Variants in HECTD2 observed in about 807,000 individuals in gnomAD.
HECTD2 encodes probable E3 ubiquitin-protein ligase HECTD2.
HECTD2 carries 35 observed loss-of-function variants against 103.2 expected under a neutral mutation model. The observed-to-expected ratio is 0.34, with a 90% CI of 0.26 to 0.45. The LOEUF is 0.45. HECTD2 is among the 20% of genes least tolerant of loss of function. HECTD2 has a pLI of 1.00. For missense variants in HECTD2, 596 were observed against 937.4 expected, an observed-to-expected ratio of 0.64 and a Z score of 4.76; for synonymous variants, 281 against 329.9, an observed-to-expected ratio of 0.85 and a Z score of 1.61.
chr10:91,512,541 C>A lies in HECTD2; in HGVS notation c.*157C>A. ...AAAATCAAATATGAAGTATGTTCAG[C>A]AAAGGCATAATTTTCTAAAAACACA... On this transcript the variant is annotated 3_prime_UTR_variant, in exon 21 of 21. Coordinates refer to ENST00000298068, the MANE Select transcript of HECTD2 (RefSeq NM_182765.6). 1.5e-6 allele frequency: 1 copy of A among 667,758 alleles called. No homozygotes were observed. The highest frequency in any genetic ancestry group is 2.4e-6 in the Non-Finnish European group (1 of 417,224). The allele number at this position is 667,758 out of a possible 1,614,324, so 41.4% of individuals were successfully genotyped here.
Position 91,497,128 on chromosome 10 carries a change from T to A in HECTD2, c.1680+756T>A, listed in dbSNP as rs923641711. 1.4e-4 allele frequency among the ~76,000 whole-genome samples: 13 copies of A among 90,312 alleles called. No individual in the cohort carries two copies. In the South Asian group the frequency reaches 3.7e-3, roughly 26 times the overall value. 59.2% of individuals were successfully genotyped at this position (90,312 alleles called of 152,430 possible). On this transcript the variant is annotated intron_variant, in intron 15 of 20. Transcript: ENST00000298068. ...GCATGTGCCACCGTGCCCGGCAAAT[T>A]TTTTTTTTTTTTTTTTTTTTTTTTT...
At chr10:91,490,742 T>A (rs977637071) in intron 11 of HECTD2, among the ~76,000 whole-genome samples, 7 of 150,518 alleles carry the variant, frequency 4.7e-5, no homozygotes, top group African/African-American at 1.7e-4. Context: ...ATACAAAAAA[T>A]TAGCCGGGCG....
chr10:91,497,456 A>ATTTT (rs34254753), intron 15 of HECTD2, among the ~76,000 whole-genome samples: 1 of 74,752 alleles, frequency 1.3e-5, no homozygotes, highest in Non-Finnish European at 2.7e-5. Flanking sequence ...ACACCTGGCT[A>ATTTT]TTTTTTTTTT....
chr10:91,483,936 C>T (rs1455651676), intron 8 of HECTD2, among the ~76,000 whole-genome samples: 1 of 151,872 alleles, frequency 6.6e-6, no homozygotes, highest in East Asian at 1.9e-4. Flanking sequence ...CACATCACAA[C>T]CTTCTTGTTA....
intron 2 of HECTD2, among the ~76,000 whole-genome samples, chr10:91,435,778 C>G (rs144557375): frequency 2.5e-3 from 385 of 152,082 alleles, no homozygotes; most frequent in Non-Finnish European, 4.8e-3. Flanking sequence ...TCCTTAAATT[C>G]CAGAAAATTT....
intron 8 of HECTD2, among the ~76,000 whole-genome samples, chr10:91,483,620 A>G (rs985884980): frequency 1.4e-4 from 22 of 152,118 alleles, no homozygotes; most frequent in Middle Eastern, 3.4e-3. Context: ...TATTTCCAAA[A>G]GAAATTTTAA....
intron 8 of HECTD2, chr10:91,484,006 A>C: frequency 4.3e-6 from 1 of 231,288 alleles, no homozygotes; most frequent in South Asian, 9.1e-5. Context: ...AAAATCACCA[A>C]CAAAAAGCAC....
At chr10:91,500,373 T>A in intron 18 of HECTD2, 129 bp from the exon 19 acceptor site, 3 of 412,774 alleles carry the variant, frequency 7.3e-6, no homozygotes, top group Non-Finnish European at 9.0e-6. Flanking sequence ...TCGATTTTTC[T>A]TCAACAAAAA....
chr10:91,504,119 C>T (rs1847037774), intron 20 of HECTD2, among the ~76,000 whole-genome samples: 1 of 152,010 alleles, frequency 6.6e-6, no homozygotes, highest in Non-Finnish European at 1.5e-5. Flanking sequence ...CACCAAAAAC[C>T]CATCTGTACA....
At chr10:91,488,519 AC>A (rs1846347985) in intron 11 of HECTD2, 1 of 152,176 alleles carries the variant, frequency 6.6e-6, no homozygotes, top group Non-Finnish European at 1.5e-5. Context: ...TGCTTGTGTT[AC>A]ATGATTGCTC....
At chr10:91,446,343 C>T (rs370382324) in intron 2 of HECTD2, among the ~76,000 whole-genome samples, 1,401 of 106,880 alleles carry the variant, frequency 0.013, no homozygotes, top group African/African-American at 0.044. Context: ...AAAAGGATGT[C>T]CACACAAAAA....
chr10:91,412,455 G>A (rs577366074), intron 1 of HECTD2, among the ~76,000 whole-genome samples: 1 of 145,452 alleles, frequency 6.9e-6, no homozygotes, highest in South Asian at 2.2e-4. Flanking sequence ...AAACTTGAGG[G>A]TTTTTTTTTT....
chr10:91,454,164 A>G (rs1016888261), intron 2 of HECTD2, among the ~76,000 whole-genome samples: 6 of 152,138 alleles, frequency 3.9e-5, no homozygotes, highest in Non-Finnish European at 8.8e-5. Context: ...AGAATACCTC[A>G]GTGCCACCAT....
At position 91,512,846 on chromosome 10, in the gene HECTD2, A is replaced by G. The variant is rs1847474238; in HGVS notation, c.*462A>G. On this transcript the variant is annotated 3_prime_UTR_variant, in exon 21 of 21. Coordinates refer to ENST00000298068, the MANE Select transcript of HECTD2 (RefSeq NM_182765.6). ...TTCATATAGTGGTATACAACACAGT[A>G]TCATTGCAAATGCAGTTTACAGGGA... is the stretch of plus-strand genomic sequence containing the variant. The G allele has an allele frequency of 6.5e-6, 1 of 154,220 alleles. No individual in the cohort carries two copies. The highest frequency in any genetic ancestry group is 2.4e-5 in the African/African-American group (1 of 41,474). 9.6% of individuals were successfully genotyped at this position (154,220 alleles called of 1,614,324 possible).
In HECTD2 at chr10:91,513,607, A is replaced by C. The variant is rs1847507855; in HGVS notation, c.*1223A>C. On this transcript the variant is annotated 3_prime_UTR_variant, in exon 21 of 21. Coordinates refer to ENST00000298068, the MANE Select transcript of HECTD2 (RefSeq NM_182765.6). ...AATTTACAGCAAATGAAGCAGTTTT[A>C]TTAGCATGTTACAAATATTGCCAAA... The C allele has an allele frequency of 6.6e-6, 1 of 152,598 alleles. No homozygotes were observed. Among genetic ancestry groups the C allele is most frequent in the Non-Finnish European group, 1.5e-5 (1 of 68,026 alleles). The allele number at this position is 152,598 out of a possible 1,614,324, so 9.5% of individuals were successfully genotyped here. A position where few individuals can be genotyped will look rare whatever the true frequency, so the allele number is the denominator to read the frequency against.
Position 91,474,417 on chromosome 10 carries a change from AAT to A in HECTD2, c.601-3778_601-3777del, listed in dbSNP as rs1225886512. ...AAAGGTTGAAAGTAAGGGTATATAG[AAT>A]ATATACCAGACACCTTCTAAACCAA... On this transcript the variant is annotated intron_variant, in intron 5 of 20. Transcript: ENST00000298068. 2.0e-5 allele frequency among the ~76,000 whole-genome samples: 3 copies of A among 152,306 alleles called. No homozygotes were observed. The East Asian group carries it at 5.8e-4, about 29-fold the overall frequency.
At position 91,487,575 on chromosome 10, in the gene HECTD2, C is replaced by T. The variant is rs751213426; in HGVS notation, c.1095-107C>T. 1.3e-6 allele frequency: 1 copy of T among 770,490 alleles called. No individual in the cohort carries two copies. Among genetic ancestry groups the T allele is most frequent in the African/African-American group, 1.7e-5 (1 of 58,444 alleles). The allele number at this position is 770,490 out of a possible 1,614,324, so 47.7% of individuals were successfully genotyped here. A position where few individuals can be genotyped will look rare whatever the true frequency, so the allele number is the denominator to read the frequency against. ...CATTTTGTATATGGTAAAACACAATCCAAAAGTAATGTTTTATATTGCTAC... is the reference window on the plus strand; with the variant it reads ...CATTTTGTATATGGTAAAACACAATTCAAAAGTAATGTTTTATATTGCTAC... On this transcript the variant is annotated intron_variant, in intron 10 of 20. Transcript: ENST00000298068. The surrounding 1 kb of genome is among the most constrained non-coding windows in gnomAD (Gnocchi z 4.1).
Position 91,501,245 on chromosome 10 carries a change from A to G in HECTD2, c.2121A>G (p.Leu707=), listed in dbSNP as rs778930988. 1.2e-6 allele frequency: 2 copies of G among 1,609,802 alleles called. No homozygotes were observed. Among genetic ancestry groups the G allele is most frequent in the Admixed American group, 1.7e-5 (1 of 59,758 alleles). Residue 707 remains leucine, a synonymous_variant, in exon 20 of 21, where the codon CTA becomes CTG. Coordinates refer to ENST00000298068, the MANE Select transcript of HECTD2 (RefSeq NM_182765.6). ...CTCTTGATCTTCAAAAGAAGTTGCT[A>G]CATTTTACTACAGGGAGTGACAGAG... ...GFPLDLQKKL[L]HFTTGSDRVP...
At chr10:91,506,944 T>A (rs984598780) in intron 20 of HECTD2, among the ~76,000 whole-genome samples, 1 of 150,142 alleles carries the variant, frequency 6.7e-6, no homozygotes, top group Non-Finnish European at 1.5e-5. Flanking sequence ...GTGGGCTTCA[T>A]CCCTGGGATG....
Sources: gnomAD v4.1 joint callset for allele counts (sites outside exome capture counted in the v4.1 genomes callset) on GRCh38, gnomAD v4.1.1 for gene constraint, Gnocchi (gnomAD v3.1) non-coding constraint, MANE v1.5 for transcripts, NCBI Gene and HGNC (gene_info 2026-07-23, HGNC 2026-07-21) for gene names.